Variants in PPFIA4 observed in about 807,000 individuals in gnomAD.
PPFIA4 encodes the protein liprin-alpha-4.
In PPFIA4, 98 loss-of-function variants were observed where a neutral mutation model predicts 145.7. The observed-to-expected ratio is 0.67, with a 90% CI of 0.57 to 0.80. The LOEUF is 0.80. Among genes scored for constraint, PPFIA4 ranks in the 30% least tolerant of loss-of-function variants. The pLI is 0.00. For synonymous variants in PPFIA4, 628 were observed against 649.6 expected (o/e 0.97, Z 0.51); for missense variants, 1,457 against 1,632.7 (o/e 0.89, Z 1.85).
At chr1:203,076,215 C>T (rs2102704544) in intron 29 of PPFIA4, 126 bp from the exon 30 acceptor site, 4 of 1,074,050 alleles carry the variant, frequency 3.7e-6, no homozygotes, top group Non-Finnish European at 5.6e-6. Flanking sequence ...CCTGCTTCGT[C>T]TGGCCTGGGG....
Position 203,045,824 on chromosome 1 carries a change from G to A in PPFIA4, c.859-17G>A, listed in dbSNP as rs750522971. The A allele has an allele frequency of 6.2e-7, 1 of 1,612,780 alleles. No individual in the cohort carries two copies. Among genetic ancestry groups the A allele is most frequent in the African/African-American group, 1.3e-5 (1 of 75,018 alleles). On this transcript the variant is annotated splice_polypyrimidine_tract_variant and intron_variant, in intron 7 of 29. Transcript: ENST00000295706. Reference sequence around the variant, plus strand: ...GGAAAGGCTGGTTACCGTCCTTCTTGTCCCCTCTTCTCCCAGGCTCTGGCC... The same window carrying A: ...GGAAAGGCTGGTTACCGTCCTTCTTATCCCCTCTTCTCCCAGGCTCTGGCC...
chr1:203,075,791 C>A lies in PPFIA4; in HGVS notation c.3574+34C>A. 7.4e-7 allele frequency: 1 copy of A among 1,350,390 alleles called. No homozygotes were observed. Among genetic ancestry groups the A allele is most frequent in the Non-Finnish European group, 9.6e-7 (1 of 1,046,622 alleles). 83.7% of individuals were successfully genotyped at this position (1,350,390 alleles called of 1,614,324 possible). A position where few individuals can be genotyped will look rare whatever the true frequency, so the allele number is the denominator to read the frequency against. On this transcript the variant is annotated intron_variant, in intron 29 of 29. Transcript: ENST00000295706. This position sits in a 1 kb window ranked among gnomAD's most constrained non-coding sequence, Gnocchi z 4.1. The stretch of plus-strand genomic sequence containing the variant: ...CAGGCGGGCTGGGCATGGCCGAGGC[C>A]CAGCCGAGCGCGGGCTTCTTCCTGG...
intron 7 of PPFIA4, 37 bp downstream of exon 7, chr1:203,045,596 G>A (rs1365355443): frequency 1.3e-6 from 2 of 1,515,934 alleles, no homozygotes; most frequent in South Asian, 1.3e-5. Flanking sequence ...TGACCTCATT[G>A]TGGAGCGTGT....
chr1:203,045,095 G>A (rs376453514), intron 6 of PPFIA4, among the ~76,000 whole-genome samples: 1 of 152,252 alleles, frequency 6.6e-6, no homozygotes, highest in Non-Finnish European at 1.5e-5. Context: ...CCCCAGTCAC[G>A]CCCCTTTCTG....
Position 203,048,539 on chromosome 1 carries a change from C to T in PPFIA4, c.1225-44C>T. 1 of 1,554,530 alleles carries T rather than the reference C, an allele frequency of 6.4e-7. No individual in the cohort carries two copies. Among genetic ancestry groups the T allele is most frequent in the Non-Finnish European group, 8.7e-7 (1 of 1,149,744 alleles). On this transcript the variant is annotated intron_variant, in intron 10 of 29. Transcript: ENST00000295706. This position sits in a 1 kb window ranked among gnomAD's most constrained non-coding sequence, Gnocchi z 5.8. ...TCAAACCCCAGCAGGAGAGGGTGGT[C>T]CTCCCTGGGAGGGCGGCCTGGTGCG...
At chr1:203,031,016 A>T (rs1658788122) in intron 1 of PPFIA4, among the ~76,000 whole-genome samples, 1 of 152,108 alleles carries the variant, frequency 6.6e-6, no homozygotes, top group African/African-American at 2.4e-5. Context: ...CATTCTTATG[A>T]CCATACCTTT....
In PPFIA4 at chr1:203,061,802, C is replaced by T. The variant is rs1023875719; in HGVS notation, c.2874+124C>T. On this transcript the variant is annotated intron_variant, in intron 24 of 29. Coordinates refer to ENST00000295706, the MANE Select transcript of PPFIA4 (RefSeq NM_001304331.2). ...ATGAAAAGCCCTGGACATAGGTTCT[C>T]TGCTCCCATCAGAGTGCCCCCCGCC... 6 of 1,011,256 alleles carry T rather than the reference C, an allele frequency of 5.9e-6. No individual in the cohort carries two copies. The African/African-American group carries it at 1.0e-4, about 17-fold the overall frequency. The allele number at this position is 1,011,256 out of a possible 1,614,324, so 62.6% of individuals were successfully genotyped here. A position where few individuals can be genotyped will look rare whatever the true frequency, so the allele number is the denominator to read the frequency against.
intron 13 of PPFIA4, among the ~76,000 whole-genome samples, chr1:203,050,901 T>C (rs1176130344): frequency 6.7e-6 from 1 of 149,646 alleles, no homozygotes; most frequent in Non-Finnish European, 1.5e-5. Context: ...TTCTTAATGG[T>C]TGGGAATGCT....
At chr1:203,047,527 G>A (rs367939572) in intron 9 of PPFIA4, among the ~76,000 whole-genome samples, 8 of 152,256 alleles carry the variant, frequency 5.3e-5, no homozygotes, top group Admixed American at 3.3e-4. Context: ...TATAAGAGAT[G>A]TGGCTTTCTA....
At chr1:203,063,677 T>C in intron 24 of PPFIA4, 151 bp from the exon 25 acceptor site, 1 of 689,560 alleles carries the variant, frequency 1.5e-6, no homozygotes, top group Non-Finnish European at 2.5e-6. Context: ...CCAGCCCCCT[T>C]ATTGAAGATA....
At position 203,075,996 on chromosome 1, in the gene PPFIA4, G is replaced by C. The variant is rs1662513244; in HGVS notation, c.3574+239G>C. The C allele has an allele frequency of 9.2e-6, 5 of 542,862 alleles. No individual in the cohort carries two copies. The highest frequency in any genetic ancestry group is 1.6e-5 in the Non-Finnish European group (5 of 319,836). The allele number at this position is 542,862 out of a possible 1,614,324, so 33.6% of individuals were successfully genotyped here. ...GGACGGCGGGGTCGCAGAGACTGGA[G>C]ACCTCCACGGTTCGGACCTACTCCT... On this transcript the variant is annotated intron_variant, in intron 29 of 29. Coordinates refer to ENST00000295706, the MANE Select transcript of PPFIA4 (RefSeq NM_001304331.2). This position sits in a 1 kb window ranked among gnomAD's most constrained non-coding sequence, Gnocchi z 4.1.
Position 203,059,210 on chromosome 1 carries a change from G to T in PPFIA4, c.2440G>T (p.Glu814Ter). 1.3e-6 allele frequency: 2 copies of T among 1,552,452 alleles called. No homozygotes were observed. Among genetic ancestry groups the T allele is most frequent in the South Asian group, 1.2e-5 (1 of 85,036 alleles). Reference sequence around the variant, plus strand: ...AACAGACTCCGAATTCAGTATGCAGGAGCCTATGGTGCCTGCCAAGCTGGG... The same window carrying T: ...AACAGACTCCGAATTCAGTATGCAGTAGCCTATGGTGCCTGCCAAGCTGGG... Reference protein sequence around the residue: ...LLTDSEFSMQEPMVPAKLGTQ... With the variant: ...LLTDSEFSMQ Residue 814 changes from glutamate (E) to a stop codon, truncating the protein, a stop_gained, in exon 20 of 30, where the codon GAG (glutamate) becomes TAG (stop). Coordinates refer to ENST00000295706, the MANE Select transcript of PPFIA4 (RefSeq NM_001304331.2). LOFTEE classifies it high-confidence loss of function.
rs73073846 is a variant in PPFIA4 at position 203,045,815 on chromosome 1, G to A, written c.859-26G>A. The A allele has an allele frequency of 0.01, 16,244 of 1,612,620 alleles. 863 individuals are homozygous for A. The African/African-American group carries it at 0.14, about 14-fold the overall frequency. ...TGGGGGCAAGGAAAGGCTGGTTACC[G>A]TCCTTCTTGTCCCCTCTTCTCCCAG... On this transcript the variant is annotated intron_variant, in intron 7 of 29. Transcript: ENST00000295706.
At chr1:203,039,326 A>C in intron 2 of PPFIA4, 84 bp downstream of exon 2, 1 of 950,756 alleles carries the variant, frequency 1.1e-6, no homozygotes, top group East Asian at 2.8e-5. Context: ...GCTCATCTGC[A>C]TCTATTTGCA....
intron 27 of PPFIA4, among the ~76,000 whole-genome samples, chr1:203,070,412 C>T (rs1447090868): frequency 6.6e-6 from 1 of 151,928 alleles, no homozygotes; most frequent in Non-Finnish European, 1.5e-5. Context: ...GAGACCCAGT[C>T]TCTACAAAAA....
At chr1:203,033,649 C>T (rs1050414718) in intron 1 of PPFIA4, among the ~76,000 whole-genome samples, 3 of 152,130 alleles carry the variant, frequency 2.0e-5, no homozygotes, top group Admixed American at 2.0e-4. Context: ...GTCTGCCTTT[C>T]AAGACAGGAG....
rs5780138 is a variant in PPFIA4 at position 203,069,755 on chromosome 1, A to ACCC, written c.3324+1132_3324+1134dup. On this transcript the variant is annotated intron_variant, in intron 27 of 29. Coordinates refer to ENST00000295706, the MANE Select transcript of PPFIA4 (RefSeq NM_001304331.2). Reference sequence around the variant, plus strand: ...TGTGTCCTGTAGGCATTCTGCAGTGACCCCCCCGCCCCGCCCCCACCCCAA... The same window carrying ACCC: ...TGTGTCCTGTAGGCATTCTGCAGTGACCCCCCCCCCGCCCCGCCCCCACCCCAA... Among the ~76,000 whole-genome samples, 396 of 104,704 alleles carry ACCC rather than the reference A, an allele frequency of 3.8e-3. 1 individual carries two copies. Among genetic ancestry groups the ACCC allele is most frequent in the Middle Eastern group, 9.3e-3 (2 of 216 alleles). The allele number at this position is 104,704 out of a possible 152,430, so 68.7% of individuals were successfully genotyped here.
intron 17 of PPFIA4, 104 bp downstream of exon 17, chr1:203,056,259 A>C: frequency 7.5e-6 from 12 of 1,599,702 alleles, no homozygotes; most frequent in Non-Finnish European, 1.0e-5. Context: ...CTGAACTCAG[A>C]GAGGCACCCA....
intron 1 of PPFIA4, among the ~76,000 whole-genome samples, chr1:203,030,989 C>G (rs978617804): frequency 2.6e-5 from 4 of 152,230 alleles, no homozygotes; most frequent in African/African-American, 2.4e-5. Flanking sequence ...GCTCTCATGC[C>G]TGTGCTCTCA....
Sources: allele counts gnomAD v4.1 joint callset (sites outside exome capture counted in the v4.1 genomes callset), GRCh38; gene constraint gnomAD v4.1.1; non-coding constraint Gnocchi (gnomAD v3.1); transcripts MANE v1.5; gene names NCBI Gene and HGNC (gene_info 2026-07-23, HGNC 2026-07-21).